The following CUL7 variants were observed in gnomAD, a reference collection of about 807,000 sequenced individuals.
CUL7 encodes the protein cullin-7.
CUL7 carries 96 observed loss-of-function variants against 177.7 expected under a neutral mutation model. The observed-to-expected ratio is 0.54, with a 90% confidence interval of 0.46 to 0.64. The LOEUF is 0.64. Among genes scored for constraint, CUL7 ranks in the 30% least tolerant of loss-of-function variants. The pLI is 0.00. For synonymous variants in CUL7, 824 were observed against 890.2 expected (o/e 0.93, Z 1.32); for missense variants, 1,893 against 2,187.9 (o/e 0.87, Z 2.69).
Position 43,050,432 on chromosome 6 carries a change from G to A in CUL7, c.1234-34C>T. On this transcript the variant is annotated intron_variant, in intron 4 of 25. Transcript: ENST00000265348. The surrounding 1 kb of genome is among the most constrained non-coding windows in gnomAD (Gnocchi z 4.1). ...TAGGGAAAGAAAGAGGGAAGGGGAA[G>A]GGAGGACTCACAAATGACTGGCTGT... 1 of 1,613,390 alleles carries A rather than the reference G, an allele frequency of 6.2e-7. No individual in the cohort carries two copies. Among genetic ancestry groups the A allele is most frequent in the Non-Finnish European group, 8.5e-7 (1 of 1,179,918 alleles).
At chr6:43,044,154 C>G (rs1328792874) in intron 16 of CUL7, among the ~76,000 whole-genome samples, 2 of 152,094 alleles carry the variant, frequency 1.3e-5, no homozygotes, top group Non-Finnish European at 2.9e-5. Flanking sequence ...GAAACCCCAT[C>G]TCTACTAAAA....
At position 43,045,608 on chromosome 6, in the gene CUL7, G is replaced by GATCT. The variant is rs1561883485; in HGVS notation, c.2837_2840dup (p.Arg948AspfsTer12). On this transcript the variant is annotated frameshift_variant, in exon 14 of 26. Coordinates refer to ENST00000265348, the MANE Select transcript of CUL7 (RefSeq NM_014780.5). LOFTEE classifies it high-confidence loss of function. The surrounding 1 kb of genome is among the most constrained non-coding windows in gnomAD (Gnocchi z 4.8). ...CCACCTGCTGGCAGCGCTTTATGCGGATCTGGATGATGGGCCAGAAGCGGG... is the reference window on the plus strand; with the variant it reads ...CCACCTGCTGGCAGCGCTTTATGCGGATCTATCTGGATGATGGGCCAGAAGCGGG... The GATCT allele has an allele frequency of 8.7e-6, 14 of 1,614,220 alleles. No homozygotes were observed. The highest frequency in any genetic ancestry group is 1.1e-5 in the Non-Finnish European group (13 of 1,180,040).
chr6:43,048,850 C>G (rs1764157357), intron 7 of CUL7, among the ~76,000 whole-genome samples: 1 of 151,926 alleles, frequency 6.6e-6, no homozygotes, highest in Non-Finnish European at 1.5e-5. Context: ...TCACTGCAAC[C>G]TCCGCCTCCT....
Position 43,046,370 on chromosome 6 carries a change from C to G in CUL7, c.2526G>C (p.Glu842Asp), listed in dbSNP as rs1561885420. 6.2e-7 allele frequency: 1 copy of G among 1,614,230 alleles called. No individual in the cohort carries two copies. The highest frequency in any genetic ancestry group is 8.5e-7 in the Non-Finnish European group (1 of 1,180,034). ...SVEVKEDKCW[E>D]KVEVSSNPHR... ...GCGGGTTGGAGGACACCTCCACCTT[C>G]TCCCAGCACTTGTCCTCCTTCACTT... Residue 842 changes from glutamate (E) to aspartate (D), a missense_variant, in exon 12 of 26, where the codon GAG (glutamate) becomes GAC (aspartate). Transcript: ENST00000265348.
rs947813085 is a variant in CUL7 at position 43,050,080 on chromosome 6, C to G, written c.1452G>C (p.Glu484Asp). 6.2e-7 allele frequency: 1 copy of G among 1,614,216 alleles called. No homozygotes were observed. Among genetic ancestry groups the G allele is most frequent in the African/African-American group, 1.3e-5 (1 of 75,056 alleles). ...PYVLPEDEDT[E>D]ECEHLTLAEW... ...CAGCCAGGGTCAGGTGTTCACACTC[C>G]TCAGTGTCCTCATCCTCAGGCAGCA... is the stretch of plus-strand genomic sequence containing the variant. The change falls in exon 6 of 26, where the codon GAG becomes GAC. Residue 484 changes from glutamate to aspartate, a missense_variant. By Grantham distance (45) the Glu-to-Asp change is conservative. This residue lies in a region of CUL7 where 653 missense variants were observed against 725.2 expected (regional missense o/e 0.90). Coordinates refer to ENST00000265348, the MANE Select transcript of CUL7 (RefSeq NM_014780.5). This position sits in a 1 kb window ranked among gnomAD's most constrained non-coding sequence, Gnocchi z 4.1.
chr6:43,043,427 A>G lies in CUL7; in HGVS notation c.3355+21T>C. ...AAAACGCTCCTGACTAGAGCTCCCC[A>G]CCTGAATCTCCACTACTCACTGGGC... On this transcript the variant is annotated intron_variant, in intron 17 of 25. Transcript: ENST00000265348. The surrounding 1 kb of genome is among the most constrained non-coding windows in gnomAD (Gnocchi z 4.2). 6.2e-7 allele frequency: 1 copy of G among 1,612,658 alleles called. No individual in the cohort carries two copies. The highest frequency in any genetic ancestry group is 8.5e-7 in the Non-Finnish European group (1 of 1,179,272).
rs1415567496 is a variant in CUL7, at chr6:43,040,173, G to T, written c.4277C>A (p.Ser1426Tyr). The change falls in exon 22 of 26, where the codon TCC becomes TAC. Residue 1426 changes from serine (S) to tyrosine (Y), a missense_variant. Physicochemically the swap from Ser to Tyr is moderately radical, Grantham distance 144 (BLOSUM62 -2). Transcript: ENST00000265348. This position sits in a 1 kb window ranked among gnomAD's most constrained non-coding sequence, Gnocchi z 4.2. ...SYLRGTLNRY[S>Y]NFYNKSQSHP... ...CTGCTCACTCTTGTTGTAGAAGTTG[G>T]AGTATCTGTTCAAAGTGCCCCTCAG... 3.7e-6 allele frequency: 6 copies of T among 1,614,046 alleles called. No homozygotes were observed. The highest frequency in any genetic ancestry group is 1.3e-5 in the African/African-American group (1 of 74,920).
At position 43,040,868 on chromosome 6, in the gene CUL7, C is replaced by T. The variant is rs374262943; in HGVS notation, c.3806+47G>A. 17 of 1,607,686 alleles carry T rather than the reference C, an allele frequency of 1.1e-5. No individual in the cohort carries two copies. In the African/African-American group the frequency reaches 2.0e-4, roughly 19 times the overall value. Reference sequence around the variant, plus strand: ...CAGGCCCATGAGCTGGCTCTGCCACCATCATCCTGCCTCCCGCCAGCTCCC... The same window carrying T: ...CAGGCCCATGAGCTGGCTCTGCCACTATCATCCTGCCTCCCGCCAGCTCCC... On this transcript the variant is annotated intron_variant, in intron 20 of 25. Coordinates refer to ENST00000265348, the MANE Select transcript of CUL7 (RefSeq NM_014780.5). The surrounding 1 kb of genome is among the most constrained non-coding windows in gnomAD (Gnocchi z 4.2).
At position 43,046,022 on chromosome 6, in the gene CUL7, AC is replaced by A; in HGVS notation, c.2729del (p.Gly910ValfsTer14). ...CCGTGTGAAGAGAGCTAGTGCTATC[AC>A]CCCCGCACACCACCACTCGGGCCGG... ...YMPARVVVCGGDSTSSLHTEL... is the reference protein window; with the variant it reads ...YMPARVVVCGXDSTSSLHTEL... On this transcript the variant is annotated frameshift_variant, in exon 13 of 26. Transcript: ENST00000265348. LOFTEE classifies it high-confidence loss of function. 1 of 1,613,674 alleles carries A rather than the reference AC, an allele frequency of 6.2e-7. No homozygotes were observed. Among genetic ancestry groups the A allele is most frequent in the Non-Finnish European group, 8.5e-7 (1 of 1,179,886 alleles).
intron 9 of CUL7, among the ~76,000 whole-genome samples, chr6:43,047,486 G>A (rs1350390748): frequency 1.3e-5 from 2 of 152,200 alleles, no homozygotes; most frequent in African/African-American, 4.8e-5. Context: ...GGAAGGGGCT[G>A]ACAGGGACTG....
rs1260790034 is a variant in CUL7, at chr6:43,045,327, GCTC to G, written c.2935_2937del (p.Glu979del). The stretch of plus-strand genomic sequence containing the variant: ...AAGAGGCGTGTGTGACGACAGAGCT[GCTC>G]CCGGAACACTGGCCAGAACGTGGGC... On this transcript the variant is annotated inframe_deletion, in exon 15 of 26. Coordinates refer to ENST00000265348, the MANE Select transcript of CUL7 (RefSeq NM_014780.5). This position sits in a 1 kb window ranked among gnomAD's most constrained non-coding sequence, Gnocchi z 4.8. The G allele has an allele frequency of 6.2e-7, 1 of 1,614,264 alleles. No homozygotes were observed.
rs1764326049 is a variant in CUL7, at chr6:43,050,749, TC to T, written c.1233+218del. Among the ~76,000 whole-genome samples the T allele has an allele frequency of 6.6e-6, 1 of 152,054 alleles. No individual in the cohort carries two copies. The highest frequency in any genetic ancestry group is 2.1e-4 in the South Asian group (1 of 4,822). On this transcript the variant is annotated intron_variant, in intron 4 of 25. Coordinates refer to ENST00000265348, the MANE Select transcript of CUL7 (RefSeq NM_014780.5). The surrounding 1 kb of genome is among the most constrained non-coding windows in gnomAD (Gnocchi z 4.1). ...GAGGAGTCTGGCTATATCAGTTTCT[TC>T]CCAGGTGTGAGTCTTCTTGACTTCA...
intron 22 of CUL7, among the ~76,000 whole-genome samples, chr6:43,039,578 T>C (rs1457338424): frequency 6.6e-6 from 1 of 152,062 alleles, no homozygotes; most frequent in Admixed American, 6.6e-5. Flanking sequence ...GGGGATCAGG[T>C]ATCTGACAGC....
At chr6:43,044,598 C>A (rs1763729319) in intron 16 of CUL7, among the ~76,000 whole-genome samples, 154 bp downstream of exon 16, 1 of 152,126 alleles carries the variant, frequency 6.6e-6, no homozygotes, top group South Asian at 2.1e-4. Flanking sequence ...AAGGGGGCAG[C>A]CCCTGGGCTG....
Position 43,047,077 on chromosome 6 carries a change from G to A in CUL7, c.2200C>T (p.Arg734Cys), listed in dbSNP as rs537793662. Reference sequence around the variant, plus strand: ...TAGTCCCTGCTCACTGAGGTCAGGCGGTGCAGGAAGAAAATCAGTTCCTGG... The same window carrying A: ...TAGTCCCTGCTCACTGAGGTCAGGCAGTGCAGGAAGAAAATCAGTTCCTGG... The part of the protein sequence containing the change: ...VLQELIFFLH[R>C]LTSVSRDYAV... The change falls in exon 10 of 26, where the codon CGC (arginine) becomes TGC (cysteine). Residue 734 changes from arginine to cysteine, a missense_variant. Transcript: ENST00000265348. 5.7e-5 allele frequency: 92 copies of A among 1,612,184 alleles called. No homozygotes were observed. Among genetic ancestry groups the A allele is most frequent in the Non-Finnish European group, 7.3e-5 (86 of 1,178,292 alleles).
chr6:43,047,964 A>G, intron 9 of CUL7, 184 bp downstream of exon 9: 1 of 601,014 alleles, frequency 1.7e-6, no homozygotes, highest in South Asian at 2.0e-5. Context: ...GAGCGTTTTG[A>G]TTTGTGAACC....
rs2150329185 is a variant in CUL7 at position 43,048,417 on chromosome 6, G to A, written c.1978C>T (p.Gln660Ter). The change falls in exon 8 of 26, where the codon CAG becomes TAG. Residue 660 changes from glutamine to a stop codon, truncating the protein, a stop_gained. Transcript: ENST00000265348. LOFTEE classifies it high-confidence loss of function. ...NKVKPLLLQL[Q>*]RQPQPFLALM... ...GCCAGGAAGGGCTGCGGCTGCCGCT[G>A]CAGCTGCAGCAGGAGTGGCTTGACC... is the stretch of plus-strand genomic sequence containing the variant. 1 of 1,614,046 alleles carries A rather than the reference G, an allele frequency of 6.2e-7. No homozygotes were observed. The highest frequency in any genetic ancestry group is 1.6e-4 in the Middle Eastern group (1 of 6,062).
rs1763830075 is a variant in CUL7, at chr6:43,045,554, A to G, written c.2862+33T>C. 3 of 1,613,596 alleles carry G rather than the reference A, an allele frequency of 1.9e-6. No homozygotes were observed. Among genetic ancestry groups the G allele is most frequent in the South Asian group, 2.2e-5 (2 of 91,072 alleles). On this transcript the variant is annotated intron_variant, in intron 14 of 25. Coordinates refer to ENST00000265348, the MANE Select transcript of CUL7 (RefSeq NM_014780.5). This position sits in a 1 kb window ranked among gnomAD's most constrained non-coding sequence, Gnocchi z 4.8. ...CTGTTTATGGGGCTCAGAGCCCCCT[A>G]CCCAGGGCCACACCCCACATCCCTG...
chr6:43,042,985 C>G lies in CUL7; in HGVS notation c.3463-1G>C. 1 of 1,614,170 alleles carries G rather than the reference C, an allele frequency of 6.2e-7. No individual in the cohort carries two copies. Among genetic ancestry groups the G allele is most frequent in the Non-Finnish European group, 8.5e-7 (1 of 1,180,030 alleles). On this transcript the variant is annotated splice_acceptor_variant, in intron 18 of 25. Transcript: ENST00000265348. LOFTEE classifies it high-confidence loss of function. ...AGGATGAGGTCAGAAAATTGTTCAC[C>G]TGGAAGGAAGGGGCAGGAGCATGAA...
Sources: allele counts gnomAD v4.1 joint callset (sites outside exome capture counted in the v4.1 genomes callset), GRCh38; gene constraint gnomAD v4.1.1; regional missense constraint gnomAD v4.1.1; non-coding constraint Gnocchi (gnomAD v3.1); transcripts MANE v1.5; gene names NCBI Gene and HGNC (gene_info 2026-07-23, HGNC 2026-07-21).